Variants in TFEC observed in about 807,000 individuals in gnomAD.
The protein encoded by TFEC is class E basic helix-loop-helix protein 34.
A neutral mutation model predicts 41.6 loss-of-function variants in TFEC; 31 were observed. That is an observed-to-expected ratio of 0.74 (90% CI 0.56 to 1.01). The LOEUF is 1.01. Ranked by LOEUF, TFEC falls within the 50% of genes least tolerant of loss-of-function variation. The pLI is 0.00. For missense variants in TFEC, 402 were observed against 404.1 expected, an observed-to-expected ratio of 0.99 and a Z score of 0.04; for synonymous variants, 143 against 140.6, an observed-to-expected ratio of 1.02 and a Z score of -0.12.
intron 3 of TFEC, among the ~76,000 whole-genome samples, chr7:116,103,223 T>C (rs891801888): frequency 6.6e-6 from 1 of 152,114 alleles, no homozygotes; most frequent in South Asian, 2.1e-4. Flanking sequence ...GAAATGGGAA[T>C]AGGTCTCCAC....
chr7:115,950,972 G>GAGA, intron 5 of TFEC, 23 bp from the exon 6 acceptor site: 2 of 1,458,152 alleles, frequency 1.4e-6, no homozygotes, highest in Non-Finnish European at 1.9e-6. Context: ...AAATATTATT[G>GAGA]ATTATTCTCA....
chr7:115,968,233 C>T, intron 3 of TFEC: 2 of 1,530,738 alleles, frequency 1.3e-6, no homozygotes, highest in South Asian at 1.2e-5. Context: ...CAATGGTTTT[C>T]TCTTTCTCCT....
intron 3 of TFEC, among the ~76,000 whole-genome samples, chr7:116,062,211 C>G (rs887987312): frequency 7.5e-6 from 1 of 133,936 alleles, no homozygotes; most frequent in African/African-American, 2.8e-5. Context: ...CAGGCATGTG[C>G]CAACATGCCT....
intron 3 of TFEC, among the ~76,000 whole-genome samples, chr7:115,959,649 C>T (rs1177296373): frequency 6.7e-6 from 1 of 150,272 alleles, no homozygotes; most frequent in Non-Finnish European, 1.5e-5. Flanking sequence ...AACATAATGA[C>T]CAAAGAGACC....
At chr7:116,046,516 T>C (rs1428147401) in intron 3 of TFEC, among the ~76,000 whole-genome samples, 1 of 152,144 alleles carries the variant, frequency 6.6e-6, no homozygotes, top group African/African-American at 2.4e-5. Flanking sequence ...GTAAGTCCAA[T>C]TAAACCTCTT....
chr7:115,993,357 G>A (rs1318653082), intron 1 of TFEC, among the ~76,000 whole-genome samples: 3 of 152,130 alleles, frequency 2.0e-5, no homozygotes, highest in Non-Finnish European at 4.4e-5. Context: ...TTCTGGCCAG[G>A]ACAAACAGGC....
intron 3 of TFEC, among the ~76,000 whole-genome samples, chr7:116,044,720 ACAC>A (rs1796121724): frequency 6.6e-6 from 1 of 152,218 alleles, no homozygotes; most frequent in African/African-American, 2.4e-5. Context: ...TTGACTGCCT[ACAC>A]CTGCTGACTG....
At chr7:116,156,383 C>T (rs1798871268) in intron 1 of TFEC, among the ~76,000 whole-genome samples, 1 of 152,112 alleles carries the variant, frequency 6.6e-6, no homozygotes, top group South Asian at 2.1e-4. Flanking sequence ...GATAAAAAAT[C>T]TATTTTTTTA....
At chr7:115,949,914 AC>A (rs1791837525) in intron 6 of TFEC, among the ~76,000 whole-genome samples, 1 of 152,102 alleles carries the variant, frequency 6.6e-6, no homozygotes, top group Admixed American at 6.6e-5. Flanking sequence ...TGAACAGGCA[AC>A]CTACAAAATG....
upstream of TFEC, among the ~76,000 whole-genome samples, chr7:116,033,605 TAGATGA>T (rs1562944788): frequency 6.6e-6 from 1 of 152,114 alleles, no homozygotes; most frequent in African/African-American, 2.4e-5. Context: ...TTTGTTATCA[TAGATGA>T]ATTATATGTC....
chr7:116,157,406 C>G (rs1211402796), intron 1 of TFEC: 1 of 151,926 alleles, frequency 6.6e-6, no homozygotes. Context: ...AATAACATTA[C>G]AAATTGAATT....
intron 3 of TFEC, among the ~76,000 whole-genome samples, chr7:116,067,586 C>T (rs1041610512): frequency 3.3e-5 from 5 of 151,894 alleles, no homozygotes; most frequent in Admixed American, 6.6e-5. Context: ...GATGCATTTC[C>T]CTGTGTCTAC....
chr7:116,135,630 C>T (rs1798418722), intron 1 of TFEC, among the ~76,000 whole-genome samples: 1 of 152,134 alleles, frequency 6.6e-6, no homozygotes, highest in African/African-American at 2.4e-5. Context: ...AACAGCTCAG[C>T]ATGCACTTCT....
At position 116,011,446 on chromosome 7, in the gene TFEC, T is replaced by A. The variant is rs143946952; in HGVS notation, c.-73+19187A>T. 3.5e-3 allele frequency among the ~76,000 whole-genome samples: 528 copies of A among 152,246 alleles called. 1 individual carries two copies. The highest frequency in any genetic ancestry group is 0.012 in the African/African-American group (511 of 41,562). ...CTGTATATAAAATTGTTTATTCTTT[T>A]TATAAATTATAGTATATCAAAAATT... On this transcript the variant is annotated intron_variant, in intron 1 of 7. Transcript: ENST00000265440.
chr7:116,086,002 T>C (rs1166732805), intron 3 of TFEC, among the ~76,000 whole-genome samples: 1 of 151,882 alleles, frequency 6.6e-6, no homozygotes, highest in Non-Finnish European at 1.5e-5. Flanking sequence ...CTGTAAAATA[T>C]ATCTTTCAGA....
intron 1 of TFEC, among the ~76,000 whole-genome samples, chr7:116,147,623 C>T (rs1798670359): frequency 7.0e-6 from 1 of 142,344 alleles, no homozygotes; most frequent in Non-Finnish European, 1.5e-5. Context: ...TCTCATTGTT[C>T]AATTCCCACC....
intron 1 of TFEC, among the ~76,000 whole-genome samples, chr7:116,026,178 A>C (rs1479906720): frequency 6.6e-6 from 1 of 152,198 alleles, no homozygotes; most frequent in Non-Finnish European, 1.5e-5. Context: ...TATTTCACAC[A>C]ATGGTTCCAC....
chr7:116,008,610 C>T (rs1794889813), intron 1 of TFEC, among the ~76,000 whole-genome samples: 2 of 152,168 alleles, frequency 1.3e-5, no homozygotes, highest in Admixed American at 6.6e-5. Flanking sequence ...TAGGTACCAA[C>T]TCATAAAAGC....
At chr7:116,075,418 A>C (rs1300324453) in intron 3 of TFEC, among the ~76,000 whole-genome samples, 1 of 152,182 alleles carries the variant, frequency 6.6e-6, no homozygotes, top group East Asian at 1.9e-4. Context: ...CTGCAGGCTC[A>C]CTGAGACAGC....
Sources: gnomAD v4.1 joint callset for allele counts (sites outside exome capture counted in the v4.1 genomes callset) on GRCh38, gnomAD v4.1.1 for gene constraint, MANE v1.5 for transcripts, NCBI Gene and HGNC (gene_info 2026-07-23, HGNC 2026-07-21) for gene names.